Variants in EIF4E observed in about 807,000 individuals in gnomAD.
EIF4E encodes the protein eukaryotic translation initiation factor 4E, also known as eIF-4F 25 kDa subunit.
For missense variants in EIF4E, 113 were observed against 265.6 expected, an observed-to-expected ratio of 0.43 and a Z score of 3.99; for synonymous variants, 71 against 88.5, an observed-to-expected ratio of 0.80 and a Z score of 1.11.
At chr4:98,920,636 CA>C (rs1431915984) in intron 1 of EIF4E, among the ~76,000 whole-genome samples, 1 of 151,674 alleles carries the variant, frequency 6.6e-6, no homozygotes, top group Non-Finnish European at 1.5e-5. Flanking sequence ...TAGGCTTTAC[CA>C]AATTGCTATT....
At chr4:98,901,822 T>C (rs991703545) in intron 2 of EIF4E, 54 bp downstream of exon 2, 1 of 1,506,482 alleles carries the variant, frequency 6.6e-7, no homozygotes, top group South Asian at 1.1e-5. Flanking sequence ...ACTTGCCCCA[T>C]TCACAATTTA....
rs538342815 is a variant in EIF4E at position 98,907,805 on chromosome 4, C to T, written c.19-5823G>A. Among the ~76,000 whole-genome samples the T allele has an allele frequency of 4.6e-5, 7 of 152,194 alleles. 1 individual carries two copies. The South Asian group carries it at 1.2e-3, about 27-fold the overall frequency. ...AATCCCTGTAAGGATCAGTTTCTTC[C>T]CTTGTAAAAAGTGCCGTGTGGGTTT... On this transcript the variant is annotated intron_variant, in intron 1 of 6. Coordinates refer to ENST00000450253, the MANE Select transcript of EIF4E (RefSeq NM_001968.5).
Position 98,891,293 on chromosome 4 carries a change from A to T in EIF4E, c.165T>A (p.Thr55=). The T allele has an allele frequency of 1.2e-6, 2 of 1,613,960 alleles. No homozygotes were observed. The highest frequency in any genetic ancestry group is 1.7e-6 in the Non-Finnish European group (2 of 1,180,008). The change falls in exon 3 of 7, where the codon ACT becomes ACA. Residue 55 remains threonine (T), a synonymous_variant. Transcript: ENST00000450253. ...AGATCAGCCGCAGGTTTGCTTGCCAAGTTTTGCTTTTATCATTTTTAAAAA... is the reference window on the plus strand; with the variant it reads ...AGATCAGCCGCAGGTTTGCTTGCCATGTTTTGCTTTTATCATTTTTAAAAA... ...LWFFKNDKSK[T]WQANLRLISK...
chr4:98,899,546 G>A (rs1360021810), intron 2 of EIF4E, among the ~76,000 whole-genome samples: 1 of 152,104 alleles, frequency 6.6e-6, no homozygotes, highest in Non-Finnish European at 1.5e-5. Context: ...TTTGTTCTAG[G>A]AGATCTGAAA....
At chr4:98,927,326 T>G (rs1003022863) in intron 1 of EIF4E, among the ~76,000 whole-genome samples, 1 of 152,168 alleles carries the variant, frequency 6.6e-6, no homozygotes, top group African/African-American at 2.4e-5. Context: ...TAAGCCTTTG[T>G]GTAGTCTATA....
intron 1 of EIF4E, among the ~76,000 whole-genome samples, chr4:98,914,602 G>A (rs1196555942): frequency 2.0e-5 from 3 of 151,932 alleles, no homozygotes; most frequent in Non-Finnish European, 4.4e-5. Context: ...CTCTGGAAAA[G>A]ACAAAAAGAT....
chr4:98,921,738 T>C (rs1725651771), intron 1 of EIF4E, among the ~76,000 whole-genome samples: 2 of 152,216 alleles, frequency 1.3e-5, no homozygotes, highest in South Asian at 4.1e-4. Flanking sequence ...CTAAAAGTAC[T>C]AAGGTAGTTA....
intron 1 of EIF4E, 62 bp downstream of exon 1, chr4:98,929,033 C>G: frequency 6.4e-7 from 1 of 1,569,934 alleles, no homozygotes; most frequent in East Asian, 2.4e-5. Context: ...GCGGAGTCCC[C>G]CAGTCAGAAG....
chr4:98,924,987 T>C (rs996921009), intron 1 of EIF4E, among the ~76,000 whole-genome samples: 4 of 152,242 alleles, frequency 2.6e-5, no homozygotes, highest in African/African-American at 9.6e-5. Context: ...TATAGTGGGT[T>C]CTTTCATTAA....
intron 1 of EIF4E, among the ~76,000 whole-genome samples, chr4:98,918,538 T>C (rs903795875): frequency 6.6e-5 from 10 of 152,106 alleles, no homozygotes; most frequent in African/African-American, 2.2e-4. Flanking sequence ...CCAACAGGGT[T>C]TAAAATTTTT....
At chr4:98,901,742 T>C in intron 2 of EIF4E, 134 bp downstream of exon 2, 1 of 833,442 alleles carries the variant, frequency 1.2e-6, no homozygotes, top group Admixed American at 1.9e-5. Context: ...TCATGGGTCA[T>C]CCAAGTGAAA....
At chr4:98,925,462 G>A (rs1355254135) in intron 1 of EIF4E, among the ~76,000 whole-genome samples, 1 of 152,152 alleles carries the variant, frequency 6.6e-6, no homozygotes, top group Admixed American at 6.5e-5. Context: ...CAATTCAAAT[G>A]CCGATAGAAT....
chr4:98,903,612 T>C (rs997731778), intron 1 of EIF4E: 21 of 376,360 alleles, frequency 5.6e-5, no homozygotes, highest in Non-Finnish European at 9.8e-5. Flanking sequence ...CCAAGGGATA[T>C]GTTTTTTCTT....
At chr4:98,911,142 T>C (rs1249172411) in intron 1 of EIF4E, among the ~76,000 whole-genome samples, 1 of 151,708 alleles carries the variant, frequency 6.6e-6, no homozygotes, top group African/African-American at 2.4e-5. Flanking sequence ...TTCCATCTCC[T>C]GGGTTCAAGC....
chr4:98,910,274 A>C (rs916385922), intron 1 of EIF4E, among the ~76,000 whole-genome samples: 2 of 152,214 alleles, frequency 1.3e-5, no homozygotes, highest in African/African-American at 4.8e-5. Flanking sequence ...GATTTAGCAA[A>C]ATACAAATCT....
At chr4:98,902,842 A>T (rs1195227380) in intron 1 of EIF4E, among the ~76,000 whole-genome samples, 2 of 151,858 alleles carry the variant, frequency 1.3e-5, no homozygotes, top group Non-Finnish European at 2.9e-5. Flanking sequence ...CCTGTCTCAA[A>T]AACAAACAAA....
chr4:98,913,413 CTCAAACTCCTAGGCT>C (rs976898003), intron 1 of EIF4E, among the ~76,000 whole-genome samples: 2 of 152,008 alleles, frequency 1.3e-5, no homozygotes, highest in African/African-American at 4.8e-5. Context: ...TCACTGCAGC[CTCAAACTCCTAGGCT>C]CAAGAGACGA....
At chr4:98,898,927 C>T (rs1029973639) in intron 2 of EIF4E, among the ~76,000 whole-genome samples, 33 of 151,658 alleles carry the variant, frequency 2.2e-4, no homozygotes, top group Admixed American at 5.9e-4. Context: ...CAAGTGACTA[C>T]TATGCAACTA....
Position 98,901,773 on chromosome 4 carries a change from A to G in EIF4E, c.125+103T>C, listed in dbSNP as rs578231177. On this transcript the variant is annotated intron_variant, in intron 2 of 6. Transcript: ENST00000450253. ...TGAAAATAGAACCCTCAACCTTAGC[A>G]TATCTAAAACTAGTCTCATAATCTA... The G allele has an allele frequency of 5.1e-3, 5,458 of 1,060,762 alleles. 33 individuals carry two copies. The highest frequency in any genetic ancestry group is 6.2e-3 in the South Asian group (489 of 79,306). 65.7% of individuals were successfully genotyped at this position (1,060,762 alleles called of 1,614,324 possible).
Sources: allele counts gnomAD v4.1 joint callset (sites outside exome capture counted in the v4.1 genomes callset), GRCh38; gene constraint gnomAD v4.1.1; transcripts MANE v1.5; gene names NCBI Gene and HGNC (gene_info 2026-07-23, HGNC 2026-07-21).